The following FUT8 variants were observed in gnomAD, a reference collection of about 807,000 sequenced individuals.
FUT8 encodes fucosyltransferase 8, also known as alpha-(1,6)-fucosyltransferase.
FUT8 carries 29 observed loss-of-function variants against 71.3 expected under a neutral mutation model. The ratio of observed to expected loss-of-function variants is 0.41; its 90% CI spans 0.30 to 0.55. FUT8 has a LOEUF of 0.55. FUT8 is among the 20% of genes least tolerant of loss of function. The pLI, the probability that FUT8 is intolerant of heterozygous loss-of-function variation, is 0.34. For synonymous variants in FUT8, 254 were observed against 239.3 expected, an observed-to-expected ratio of 1.06 and a Z score of -0.57; for missense variants, 544 against 702.1, an observed-to-expected ratio of 0.77 and a Z score of 2.55.
intron 7 of FUT8, among the ~76,000 whole-genome samples, chr14:65,672,387 T>G (rs1892516773): frequency 6.6e-6 from 1 of 152,230 alleles, no homozygotes; most frequent in Non-Finnish European, 1.5e-5. Context: ...AGATTGCTTG[T>G]GATAATTCAA....
chr14:65,669,449 C>G lies in FUT8; in HGVS notation c.804C>G (p.Asp268Glu). The G allele has an allele frequency of 4.3e-6, 7 of 1,613,346 alleles. No individual in the cohort carries two copies. The highest frequency in any genetic ancestry group is 5.9e-6 in the Non-Finnish European group (7 of 1,179,476). Residue 268 changes from aspartate (D) to glutamate (E), a missense_variant, in exon 7 of 11, where the codon GAC becomes GAG. Asp to Glu is a conservative substitution (Grantham distance 45, BLOSUM62 2). Transcript: ENST00000673929. This position sits in a 1 kb window ranked among gnomAD's most constrained non-coding sequence, Gnocchi z 4.5. ...GGCCTGTAAGTGAGACATGCACAGA[C>G]AGATCTGGCATCTCCACTGGACACT... ...VFRPVSETCTDRSGISTGHWS... is the reference protein window; with the variant it reads ...VFRPVSETCTERSGISTGHWS...
intron 2 of FUT8, chr14:65,528,924 T>G (rs1883728486): frequency 6.5e-6 from 1 of 153,088 alleles, no homozygotes; most frequent in Non-Finnish European, 1.5e-5. Context: ...TTATTGATTT[T>G]AGCAGATTCT....
At chr14:65,512,643 G>T (rs945699930) in intron 2 of FUT8, among the ~76,000 whole-genome samples, 39 of 152,056 alleles carry the variant, frequency 2.6e-4, no homozygotes, top group Admixed American at 1.7e-3. Flanking sequence ...GGCTGTGGTG[G>T]CTCATGCCTG....
chr14:65,523,450 G>A (rs1883222883), intron 2 of FUT8, among the ~76,000 whole-genome samples: 1 of 152,086 alleles, frequency 6.6e-6, no homozygotes, highest in African/African-American at 2.4e-5. Flanking sequence ...ATTTGTTTAA[G>A]TTCTTTGTAG....
At chr14:65,449,203 A>G (rs2065785893) in intron 1 of FUT8, among the ~76,000 whole-genome samples, 2 of 152,236 alleles carry the variant, frequency 1.3e-5, no homozygotes. Flanking sequence ...GGGAGTAGTG[A>G]ATAAATTAGT....
intron 2 of FUT8, among the ~76,000 whole-genome samples, chr14:65,482,281 G>A (rs1400449415): frequency 6.6e-6 from 1 of 151,676 alleles, no homozygotes; most frequent in Non-Finnish European, 1.5e-5. Flanking sequence ...CTGTATACGC[G>A]TGGGTTTATT....
chr14:65,508,233 A>T (rs1486989477), intron 2 of FUT8, among the ~76,000 whole-genome samples: 1 of 151,422 alleles, frequency 6.6e-6, no homozygotes, highest in Non-Finnish European at 1.5e-5. Flanking sequence ...ATGCCTGGCT[A>T]ATTTTTTGTT....
At chr14:65,641,306 G>A (rs1023536537) in intron 6 of FUT8, among the ~76,000 whole-genome samples, 3 of 152,098 alleles carry the variant, frequency 2.0e-5, no homozygotes, top group African/African-American at 4.8e-5. Context: ...TTTACTCAGC[G>A]TAATTATTTT....
At chr14:65,385,544 G>A in the FUT8 span, among the ~76,000 whole-genome samples, 97 of 151,626 alleles carry the variant, frequency 6.4e-4, no homozygotes, top group African/African-American at 2.2e-3. Context: ...TAATGGTTTT[G>A]ACTCACATTT....
intron 6 of FUT8, among the ~76,000 whole-genome samples, chr14:65,639,079 GAAAATACCTTTTCCAAGATAAA>G (rs1430984309): frequency 6.6e-6 from 1 of 151,504 alleles, no homozygotes; most frequent in Non-Finnish European, 1.5e-5. Context: ...TACTGAGAAA[GAAAATACCTTTTCCAAGATAAA>G]AAAAAAAATG....
chr14:65,702,746 T>G lies in FUT8; in HGVS notation c.836-19029T>G, dbSNP rs865961604. On this transcript the variant is annotated intron_variant, in intron 7 of 10. Transcript: ENST00000673929. ...TTACATAGGGTAGAAATTTTTGTGGTTTTTTTTTTTTTAAACAGAGTTTTG... is the reference window on the plus strand; with the variant it reads ...TTACATAGGGTAGAAATTTTTGTGGGTTTTTTTTTTTTAAACAGAGTTTTG... Among the ~76,000 whole-genome samples, 4 of 141,492 alleles carry G rather than the reference T, an allele frequency of 2.8e-5. No homozygotes were observed. In the South Asian group the frequency reaches 6.7e-4, roughly 24 times the overall value. 92.8% of individuals were successfully genotyped at this position (141,492 alleles called of 152,430 possible).
chr14:65,688,084 A>G (rs529147114), intron 7 of FUT8, among the ~76,000 whole-genome samples: 1 of 152,276 alleles, frequency 6.6e-6, no homozygotes, highest in South Asian at 2.1e-4. Context: ...CAGTGAAGTG[A>G]TATTGATATA....
chr14:65,730,246 A>G (rs1404092554), intron 9 of FUT8, among the ~76,000 whole-genome samples: 7 of 152,254 alleles, frequency 4.6e-5, no homozygotes, highest in African/African-American at 7.2e-5. Context: ...TGACACAGTC[A>G]GAGGAGAATC....
chr14:65,606,358 T>G (rs1365581057), intron 3 of FUT8, among the ~76,000 whole-genome samples: 1 of 151,780 alleles, frequency 6.6e-6, no homozygotes, highest in African/African-American at 2.4e-5. Flanking sequence ...ATTACAGGCA[T>G]AAGCCACTGT....
intron 3 of FUT8, among the ~76,000 whole-genome samples, chr14:65,597,370 T>A (rs989739330): frequency 6.6e-6 from 1 of 152,228 alleles, no homozygotes; most frequent in Non-Finnish European, 1.5e-5. Context: ...GGCTCACGCC[T>A]GTAATCCCAG....
rs979711778 is a variant in FUT8 at position 65,433,275 on chromosome 14, C to T, written c.-326+20061C>T. On this transcript the variant is annotated intron_variant, in intron 1 of 10. Transcript: ENST00000673929. ...AACATATAAATATATAATTATAATT[C>T]AGTAATTGCTATGATGAAGGGTGAG... Among the ~76,000 whole-genome samples, 11 of 151,876 alleles carry T rather than the reference C, an allele frequency of 7.2e-5. No homozygotes were observed. In the South Asian group the frequency reaches 1.2e-3, roughly 17 times the overall value.
At chr14:65,637,775 C>T (rs1241285580) in intron 6 of FUT8, among the ~76,000 whole-genome samples, 1 of 151,982 alleles carries the variant, frequency 6.6e-6, no homozygotes, top group Non-Finnish European at 1.5e-5. Context: ...AACAGAGGGG[C>T]CCTGAAAGCA....
Position 65,627,257 on chromosome 14 carries a change from G to C in FUT8, c.483-2235G>C, listed in dbSNP as rs989096524. ...CTGCTTAGAAAAAAAAAATAAGCAG[G>C]GAAGGAGTGTTAGCAGCAGTGAATC... On this transcript the variant is annotated intron_variant, in intron 5 of 10. Coordinates refer to ENST00000673929, the MANE Select transcript of FUT8 (RefSeq NM_001371533.1). This position sits in a 1 kb window ranked among gnomAD's most constrained non-coding sequence, Gnocchi z 4.0. Among the ~76,000 whole-genome samples the C allele has an allele frequency of 1.3e-5, 2 of 152,140 alleles. No homozygotes were observed. Among genetic ancestry groups the C allele is most frequent in the Admixed American group, 6.5e-5 (1 of 15,280 alleles).
At chr14:65,666,733 T>G (rs905594122) in intron 6 of FUT8, among the ~76,000 whole-genome samples, 2 of 151,922 alleles carry the variant, frequency 1.3e-5, no homozygotes, top group East Asian at 3.9e-4. Flanking sequence ...AAAGAAAACA[T>G]CAGTCCAATA....
Sources: allele counts gnomAD v4.1 joint callset (sites outside exome capture counted in the v4.1 genomes callset), GRCh38; gene constraint gnomAD v4.1.1; non-coding constraint Gnocchi (gnomAD v3.1); transcripts MANE v1.5; gene names NCBI Gene and HGNC (gene_info 2026-07-23, HGNC 2026-07-21).